Variants in CACNA1B observed in about 807,000 individuals in gnomAD.
CACNA1B encodes calcium voltage-gated channel subunit alpha1 B.
A neutral mutation model predicts 247.2 loss-of-function variants in CACNA1B; 70 were observed. The observed-to-expected ratio is 0.28, with a 90% confidence interval of 0.23 to 0.35. CACNA1B has a LOEUF of 0.35. Among genes scored for constraint, CACNA1B ranks in the 10% least tolerant of loss-of-function variants. The pLI is 1.00. For missense variants in CACNA1B, 2,367 were observed against 3,197.4 expected, an observed-to-expected ratio of 0.74 and a Z score of 6.26; for synonymous variants, 1,231 against 1,294.4, an observed-to-expected ratio of 0.95 and a Z score of 1.05.
chr9:138,076,164 G>T (rs1279322681), intron 35 of CACNA1B, among the ~76,000 whole-genome samples: 1 of 152,196 alleles, frequency 6.6e-6, no homozygotes, highest in Non-Finnish European at 1.5e-5. Context: ...GGAGCCCTGG[G>T]CCAGGCCGGC....
Position 138,051,685 on chromosome 9 carries a change from A to C in CACNA1B, c.3711-407A>C, listed in dbSNP as rs1959286380. 6.6e-6 allele frequency among the ~76,000 whole-genome samples: 1 copy of C among 152,110 alleles called. No individual in the cohort carries two copies. The highest frequency in any genetic ancestry group is 6.5e-5 in the Admixed American group (1 of 15,282). Reference sequence around the variant, plus strand: ...CCCTTTACCTCCCTCTAGCCAGCCCAAAAAGCAAGGAAAAAAGCCCTTCCA... The same window carrying C: ...CCCTTTACCTCCCTCTAGCCAGCCCCAAAAGCAAGGAAAAAAGCCCTTCCA... On this transcript the variant is annotated intron_variant, in intron 24 of 46. Coordinates refer to ENST00000371372, the MANE Select transcript of CACNA1B (RefSeq NM_000718.4). The surrounding 1 kb of genome is among the most constrained non-coding windows in gnomAD (Gnocchi z 4.3).
intron 13 of CACNA1B, among the ~76,000 whole-genome samples, chr9:137,985,895 C>T (rs1160067892): frequency 1.3e-5 from 2 of 152,242 alleles, no homozygotes; most frequent in African/African-American, 2.4e-5. Flanking sequence ...CTCCACGCCG[C>T]GTGTCCCTTG....
At chr9:138,064,294 C>T (rs1305717319) in intron 31 of CACNA1B, among the ~76,000 whole-genome samples, 2 of 151,928 alleles carry the variant, frequency 1.3e-5, no homozygotes, top group East Asian at 1.9e-4. Flanking sequence ...TAAACGAGCC[C>T]GATCTCCTTG....
chr9:138,103,868 A>T (rs578042286), intron 38 of CACNA1B, among the ~76,000 whole-genome samples: 1 of 152,170 alleles, frequency 6.6e-6, no homozygotes, highest in African/African-American at 2.4e-5. Flanking sequence ...GGTCTTTGTC[A>T]CCCGACTCAG....
intron 36 of CACNA1B, among the ~76,000 whole-genome samples, chr9:138,091,313 T>G (rs1960870761): frequency 6.6e-6 from 1 of 152,152 alleles, no homozygotes; most frequent in East Asian, 1.9e-4. Flanking sequence ...ATGTTCTCAC[T>G]CATATGTGGA....
Position 138,058,442 on chromosome 9 carries a change from G to A in CACNA1B, c.4309-127G>A. 3.1e-6 allele frequency: 3 copies of A among 974,422 alleles called. No individual in the cohort carries two copies. Among genetic ancestry groups the A allele is most frequent in the Non-Finnish European group, 4.6e-6 (3 of 654,222 alleles). 60.4% of individuals were successfully genotyped at this position (974,422 alleles called of 1,614,324 possible). On this transcript the variant is annotated intron_variant, in intron 28 of 46. Transcript: ENST00000371372. The surrounding 1 kb of genome is among the most constrained non-coding windows in gnomAD (Gnocchi z 4.7). ...TGAGGCCTGCTTGGAGAAGGTCTGG[G>A]CTGCTTCAATTTGTCTTCTGTTGTC...
chr9:138,061,602 G>A (rs960359344), intron 31 of CACNA1B, among the ~76,000 whole-genome samples: 3 of 152,266 alleles, frequency 2.0e-5, no homozygotes, highest in East Asian at 3.9e-4. Context: ...TGGACCCCGC[G>A]GTCACCTGGC....
At chr9:137,998,632 T>G (rs1042578994) in intron 15 of CACNA1B, among the ~76,000 whole-genome samples, 2 of 152,020 alleles carry the variant, frequency 1.3e-5, no homozygotes, top group Non-Finnish European at 2.9e-5. Flanking sequence ...TCAGCCAAAA[T>G]AGAGGTGAAG....
chr9:138,029,248 A>T (rs983506799), intron 20 of CACNA1B, among the ~76,000 whole-genome samples: 1 of 152,258 alleles, frequency 6.6e-6, no homozygotes, highest in Non-Finnish European at 1.5e-5. Flanking sequence ...TTATTGGTTC[A>T]TAAAAATAAT....
chr9:137,942,141 A>G (rs191282249), intron 6 of CACNA1B, among the ~76,000 whole-genome samples: 2 of 152,232 alleles, frequency 1.3e-5, no homozygotes, highest in East Asian at 1.9e-4. Flanking sequence ...GCAAGAAAAA[A>G]AATCCCATCA....
chr9:137,920,507 C>G (rs183261969), intron 6 of CACNA1B, among the ~76,000 whole-genome samples: 62 of 152,340 alleles, frequency 4.1e-4, no homozygotes, highest in African/African-American at 1.4e-3. Context: ...TGAACACTTT[C>G]AACTGCCGAG....
rs1304396196 is a variant in CACNA1B, at chr9:137,954,860, G to A, written c.1071-838G>A. On this transcript the variant is annotated intron_variant, in intron 7 of 46. Coordinates refer to ENST00000371372, the MANE Select transcript of CACNA1B (RefSeq NM_000718.4). This position sits in a 1 kb window ranked among gnomAD's most constrained non-coding sequence, Gnocchi z 4.1. ...CCACTCCACCAACTCAGAAGCTTGT[G>A]TGTGTGTGTGTGTGTGTGTGAGAGA... Among the ~76,000 whole-genome samples the A allele has an allele frequency of 1.3e-5, 2 of 149,954 alleles. No individual in the cohort carries two copies. The highest frequency in any genetic ancestry group is 2.9e-5 in the Non-Finnish European group (2 of 67,834).
chr9:137,909,514 G>T (rs1436142487), intron 3 of CACNA1B, among the ~76,000 whole-genome samples: 1 of 152,172 alleles, frequency 6.6e-6, no homozygotes, highest in Non-Finnish European at 1.5e-5. Flanking sequence ...ATCCATGCTG[G>T]AGCAAATGCA....
At chr9:138,103,910 A>G (rs747525443) in intron 38 of CACNA1B, among the ~76,000 whole-genome samples, 1 of 152,250 alleles carries the variant, frequency 6.6e-6, no homozygotes, top group Admixed American at 6.5e-5. Flanking sequence ...GGCTCCTCCA[A>G]GCCATCCTCA....
In CACNA1B at chr9:137,944,968, G is replaced by A. The variant is rs574188004; in HGVS notation, c.967-7306G>A. Among the ~76,000 whole-genome samples, 14 of 152,276 alleles carry A rather than the reference G, an allele frequency of 9.2e-5. No individual in the cohort carries two copies. The East Asian group carries it at 2.7e-3, about 29-fold the overall frequency. ...TCTACAATATCTAGTTCTGCCTTAA[G>A]ACCTTCCTTTTCAGGGCAGGTTCCA... is the stretch of plus-strand genomic sequence containing the variant. On this transcript the variant is annotated intron_variant, in intron 6 of 46. Transcript: ENST00000371372.
chr9:138,098,586 C>T (rs975337434), intron 37 of CACNA1B, among the ~76,000 whole-genome samples: 2 of 152,164 alleles, frequency 1.3e-5, no homozygotes, highest in African/African-American at 2.4e-5. Flanking sequence ...CACAGTCAGC[C>T]GCCGGCAAGA....
chr9:137,928,595 A>G (rs1363841453), intron 6 of CACNA1B, among the ~76,000 whole-genome samples: 1 of 152,052 alleles, frequency 6.6e-6, no homozygotes, highest in Non-Finnish European at 1.5e-5. Flanking sequence ...CTTTTTGGAG[A>G]TCTTTTTTTT....
chr9:138,046,773 C>T (rs1169350750), intron 21 of CACNA1B, 131 bp from the exon 22 acceptor site: 10 of 825,946 alleles, frequency 1.2e-5, no homozygotes, highest in East Asian at 7.9e-5. Context: ...ATTAGCAAAG[C>T]GAAGCTCTGG....
chr9:138,108,092 T>A (rs1372501417), intron 39 of CACNA1B, among the ~76,000 whole-genome samples: 1 of 148,562 alleles, frequency 6.7e-6, no homozygotes, highest in Non-Finnish European at 1.5e-5. Flanking sequence ...ATCCCAGCAG[T>A]TTTTGAGGTT....
Sources: allele counts gnomAD v4.1 joint callset (sites outside exome capture counted in the v4.1 genomes callset), GRCh38; gene constraint gnomAD v4.1.1; non-coding constraint Gnocchi (gnomAD v3.1); transcripts MANE v1.5; gene names NCBI Gene and HGNC (gene_info 2026-07-23, HGNC 2026-07-21).